The following ITIH5 variants were observed in gnomAD, a reference collection of about 807,000 sequenced individuals.
The protein encoded by ITIH5 is inter-alpha-trypsin inhibitor heavy chain H5.
A neutral mutation model predicts 77.5 loss-of-function variants in ITIH5; 65 were observed. The ratio of observed to expected loss-of-function variants is 0.84; its 90% CI spans 0.69 to 1.03. The LOEUF is 1.03. Among genes scored for constraint, ITIH5 ranks in the 50% least tolerant of loss-of-function variants. ITIH5 has a pLI of 0.00. For synonymous variants in ITIH5, 525 were observed against 494.3 expected (o/e 1.06, Z -0.82); for missense variants, 1,208 against 1,213.1 (o/e 1.00, Z 0.06).
At position 7,566,796 on chromosome 10, in the gene ITIH5, AGAAGAG is replaced by A. The variant is rs1232493954; in HGVS notation, c.2150-395_2150-390del. Reference sequence around the variant, plus strand: ...AAAGAAGAAAGAAGAAAGAAGAAGAAGAAGAGGAAGAGGAAGAGGAAGAGGAAGAGG... The same window carrying A: ...AAAGAAGAAAGAAGAAAGAAGAAGAAGAAGAGGAAGAGGAAGAGGAAGAGG... On this transcript the variant is annotated intron_variant, in intron 12 of 13. Transcript: ENST00000397146. Among the ~76,000 whole-genome samples the A allele has an allele frequency of 4.1e-3, 12 of 2,946 alleles. 1 individual carries two copies. Among genetic ancestry groups the A allele is most frequent in the African/African-American group, 7.6e-3 (12 of 1,582 alleles). 1.9% of individuals were successfully genotyped at this position (2,946 alleles called of 152,430 possible).
intron 5 of ITIH5, among the ~76,000 whole-genome samples, chr10:7,624,921 ATG>A (rs1564266767): frequency 1.7e-5 from 2 of 120,338 alleles, no homozygotes; most frequent in East Asian, 2.5e-4. Context: ...ATATATATAT[ATG>A]CATTATCCCT....
chr10:7,653,398 G>C (rs1834131936), intron 2 of ITIH5, among the ~76,000 whole-genome samples: 1 of 151,986 alleles, frequency 6.6e-6, no homozygotes. Flanking sequence ...AGTAGAGATG[G>C]GGTTTCACCA....
At chr10:7,662,849 C>CT (rs1345851151) in intron 1 of ITIH5, among the ~76,000 whole-genome samples, 1 of 152,172 alleles carries the variant, frequency 6.6e-6, no homozygotes, top group African/African-American at 2.4e-5. Context: ...CTTACAAAAT[C>CT]TTTCACTGGC....
At chr10:7,625,625 C>A (rs146459193) in intron 5 of ITIH5, among the ~76,000 whole-genome samples, 1 of 151,974 alleles carries the variant, frequency 6.6e-6, no homozygotes, top group Admixed American at 6.5e-5. Flanking sequence ...ATTAGCCGGG[C>A]CTGGTGGCGT....
intron 12 of ITIH5, among the ~76,000 whole-genome samples, chr10:7,567,822 T>C (rs921387374): frequency 6.6e-6 from 1 of 152,170 alleles, no homozygotes; most frequent in African/African-American, 2.4e-5. Flanking sequence ...TGCAGTGAGC[T>C]GAGATGGTGC....
chr10:7,588,380 C>T (rs1490686662), intron 7 of ITIH5, among the ~76,000 whole-genome samples: 3 of 152,146 alleles, frequency 2.0e-5, no homozygotes, highest in Non-Finnish European at 4.4e-5. Context: ...ATTAGCTGGG[C>T]GTGGTGGCCC....
In ITIH5 at chr10:7,609,373, CA is replaced by C. The variant is rs1324329809; in HGVS notation, c.939+6608del. On this transcript the variant is annotated intron_variant, in intron 7 of 13. Coordinates refer to ENST00000397146, the MANE Select transcript of ITIH5 (RefSeq NM_030569.7). The stretch of plus-strand genomic sequence containing the variant: ...AGTTGGGAATGCATATTGTAATGAT[CA>C]AACACAAGATGTTCCCCAAGTCCAT... The C allele has an allele frequency of 6.7e-6, 3 of 447,492 alleles. No individual in the cohort carries two copies. In the Admixed American group the frequency reaches 7.3e-5, roughly 11 times the overall value. 27.7% of individuals were successfully genotyped at this position (447,492 alleles called of 1,614,324 possible).
intron 2 of ITIH5, among the ~76,000 whole-genome samples, chr10:7,644,655 CATAT>C (rs1263049917): frequency 2.4e-5 from 3 of 124,932 alleles, no homozygotes; most frequent in Non-Finnish European, 4.8e-5. Flanking sequence ...ATATATATCA[CATAT>C]ATATCATATA....
chr10:7,573,763 T>C (rs1445970742), intron 10 of ITIH5, among the ~76,000 whole-genome samples: 1 of 152,102 alleles, frequency 6.6e-6, no homozygotes, highest in African/African-American at 2.4e-5. Flanking sequence ...TTAATTATTG[T>C]ATGATTTAGA....
chr10:7,592,314 T>G (rs533101513), intron 7 of ITIH5, among the ~76,000 whole-genome samples: 2 of 152,296 alleles, frequency 1.3e-5, no homozygotes, highest in East Asian at 3.9e-4. Flanking sequence ...AGGGAGTTCC[T>G]CAAAACAGCC....
chr10:7,615,916 G>A, intron 7 of ITIH5, 66 bp downstream of exon 7: 15 of 1,009,026 alleles, frequency 1.5e-5, no homozygotes, highest in Middle Eastern at 2.3e-4. Context: ...AACTTTATTC[G>A]CAAAGCAAGT....
intron 7 of ITIH5, among the ~76,000 whole-genome samples, chr10:7,587,550 A>T (rs975267253): frequency 6.6e-6 from 1 of 152,056 alleles, no homozygotes; most frequent in Non-Finnish European, 1.5e-5. Context: ...TCCCTCACTT[A>T]CTCGCTCTCT....
In ITIH5 at chr10:7,637,465, C is replaced by T. The variant is rs12761771; in HGVS notation, c.415G>A (p.Glu139Lys). ...TTEENGEKGTEIFRASAVIPS... is the reference protein window; with the variant it reads ...TTEENGEKGTKIFRASAVIPS... ...ATCACTGCAGAAGCTCTGAATATTT[C>T]AGTCCCCTTCTCTCTGTCAGGAAAA... is the stretch of plus-strand genomic sequence containing the variant. Residue 139 changes from glutamate to lysine, a missense_variant, in exon 5 of 14, where the codon GAA becomes AAA. Transcript: ENST00000397146. 2.5e-6 allele frequency: 4 copies of T among 1,613,790 alleles called. No individual in the cohort carries two copies. The East Asian group carries it at 6.7e-5, about 27-fold the overall frequency.
rs1035116314 is a variant in ITIH5 at position 7,573,691 on chromosome 10, G to A, written c.1979-496C>T. Among the ~76,000 whole-genome samples the A allele has an allele frequency of 8.8e-3, 1,085 of 123,476 alleles. 11 individuals are homozygous for A. Among genetic ancestry groups the A allele is most frequent in the Non-Finnish European group, 0.014 (804 of 56,730 alleles). 81.0% of individuals were successfully genotyped at this position (123,476 alleles called of 152,430 possible). On this transcript the variant is annotated intron_variant, in intron 10 of 13. Transcript: ENST00000397146. ...ACTGTCTCAAAAAAAAAAAAAAAAA[G>A]GAAAAAAAAGAATAGAATAGAAACT...
At chr10:7,651,809 C>T (rs981898321) in intron 2 of ITIH5, among the ~76,000 whole-genome samples, 7 of 152,106 alleles carry the variant, frequency 4.6e-5, no homozygotes, top group African/African-American at 1.7e-4. Flanking sequence ...GGCTCTGAGA[C>T]ACACACTGTC....
chr10:7,646,112 G>A lies in ITIH5; in HGVS notation c.136-4022C>T, dbSNP rs1412026848. The stretch of plus-strand genomic sequence containing the variant: ...GGTGTATAAGAAATGCCCCACGGCT[G>A]TGATCTTGTGAATTTGCGAAGCATC... On this transcript the variant is annotated intron_variant, in intron 2 of 13. Transcript: ENST00000397146. Among the ~76,000 whole-genome samples, 4 of 152,298 alleles carry A rather than the reference G, an allele frequency of 2.6e-5. No individual in the cohort carries two copies. The East Asian group carries it at 7.7e-4, about 29-fold the overall frequency.
In ITIH5 at chr10:7,583,376, G is replaced by A. The variant is rs190043493; in HGVS notation, c.1108+2525C>T. Among the ~76,000 whole-genome samples, 32 of 152,192 alleles carry A rather than the reference G, an allele frequency of 2.1e-4. No homozygotes were observed. In the East Asian group the frequency reaches 4.5e-3, roughly 21 times the overall value. Reference sequence around the variant, plus strand: ...GAAACAGAATTTCACTCTGTCACCGGGGCTGGAGTGCAGTGGTGCGATCTC... The same window carrying A: ...GAAACAGAATTTCACTCTGTCACCGAGGCTGGAGTGCAGTGGTGCGATCTC... On this transcript the variant is annotated intron_variant, in intron 8 of 13. Coordinates refer to ENST00000397146, the MANE Select transcript of ITIH5 (RefSeq NM_030569.7).
intron 7 of ITIH5, among the ~76,000 whole-genome samples, chr10:7,608,272 G>A (rs946737796): frequency 1.2e-4 from 19 of 152,092 alleles, no homozygotes; most frequent in Admixed American, 9.2e-4. Context: ...TTTGATCTCC[G>A]TCGTTTAATT....
chr10:7,615,923 A>C, intron 7 of ITIH5, 59 bp downstream of exon 7: 1 of 1,052,250 alleles, frequency 9.5e-7, no homozygotes, highest in South Asian at 1.3e-5. Flanking sequence ...TTCGCAAAGC[A>C]AGTCATTGTC....
Sources: allele counts gnomAD v4.1 joint callset (sites outside exome capture counted in the v4.1 genomes callset), GRCh38; gene constraint gnomAD v4.1.1; transcripts MANE v1.5; gene names NCBI Gene and HGNC (gene_info 2026-07-23, HGNC 2026-07-21).